Variants in EYA2 observed in about 807,000 individuals in gnomAD.
EYA2 encodes the protein protein phosphatase EYA2.
A neutral mutation model predicts 69.2 loss-of-function variants in EYA2; 31 were observed. The observed-to-expected ratio is 0.45, with a 90% CI of 0.34 to 0.60. EYA2 has a LOEUF of 0.60. EYA2 is among the 20% of genes least tolerant of loss of function. EYA2 has a pLI of 0.02. For synonymous variants in EYA2, 257 were observed against 279.4 expected (o/e 0.92, Z 0.80); for missense variants, 622 against 701.2 (o/e 0.89, Z 1.28).
chr20:47,044,313 C>T (rs1281566744), intron 5 of EYA2, among the ~76,000 whole-genome samples: 2 of 104,524 alleles, frequency 1.9e-5, no homozygotes, highest in Non-Finnish European at 4.0e-5. Flanking sequence ...TAGACTTACT[C>T]ATTCATTCAG....
chr20:47,039,731 G>T (rs1425723500), intron 5 of EYA2, among the ~76,000 whole-genome samples: 6 of 151,188 alleles, frequency 4.0e-5, no homozygotes, highest in Non-Finnish European at 5.9e-5. Flanking sequence ...GCCTGCCTGG[G>T]TTCAAATCCT....
At chr20:47,134,734 G>C (rs1236075505) in intron 9 of EYA2, among the ~76,000 whole-genome samples, 1 of 152,166 alleles carries the variant, frequency 6.6e-6, no homozygotes, top group Non-Finnish European at 1.5e-5. Flanking sequence ...AGGTCCTGTG[G>C]TGACTACTCA....
rs549212050 is a variant in EYA2 at position 47,019,085 on chromosome 20, G to A, written c.415+2788G>A. 2.0e-5 allele frequency among the ~76,000 whole-genome samples: 3 copies of A among 152,320 alleles called. No individual in the cohort carries two copies. The East Asian group carries it at 5.8e-4, about 29-fold the overall frequency. ...ACACGGCCATGGCAGTGGGAAATGA[G>A]CCAGGCAGTCGCCCAGGCACATAAC... On this transcript the variant is annotated intron_variant, in intron 5 of 15. Coordinates refer to ENST00000327619, the MANE Select transcript of EYA2 (RefSeq NM_005244.5).
intron 5 of EYA2, among the ~76,000 whole-genome samples, chr20:47,052,303 G>A (rs560184753): frequency 2.0e-5 from 3 of 152,214 alleles, no homozygotes; most frequent in African/African-American, 4.8e-5. Flanking sequence ...GGAGTGGTCA[G>A]GGGAGGTCAC....
chr20:47,018,916 G>A (rs925524951), intron 5 of EYA2, among the ~76,000 whole-genome samples: 2 of 152,238 alleles, frequency 1.3e-5, no homozygotes, highest in Admixed American at 1.3e-4. Context: ...GACTCCTTCA[G>A]GACTCCAGGA....
chr20:46,982,618 G>A (rs1980907927), intron 1 of EYA2, among the ~76,000 whole-genome samples: 2 of 151,960 alleles, frequency 1.3e-5, no homozygotes, highest in African/African-American at 4.8e-5. Flanking sequence ...TTTCTTTTAT[G>A]CTCTTTTAAA....
At chr20:47,147,894 A>C (rs139296291) in intron 10 of EYA2, among the ~76,000 whole-genome samples, 1,945 of 152,106 alleles carry the variant, frequency 0.013, 37 homozygotes, top group African/African-American at 0.045. Context: ...CCCCGTCTTT[A>C]CTAAAAATAC....
chr20:47,108,400 G>A (rs1214272114), intron 9 of EYA2, among the ~76,000 whole-genome samples: 1 of 152,130 alleles, frequency 6.6e-6, no homozygotes, highest in African/African-American at 2.4e-5. Flanking sequence ...AGTGGAAGCA[G>A]CCTGAGGCCT....
intron 5 of EYA2, among the ~76,000 whole-genome samples, chr20:47,048,138 C>T (rs74317342): frequency 0.037 from 5,563 of 152,258 alleles, 352 homozygotes; most frequent in African/African-American, 0.13. Context: ...GACATGAACA[C>T]GTTTGAAGAA....
intron 1 of EYA2, among the ~76,000 whole-genome samples, chr20:46,935,207 C>T (rs904939599): frequency 2.6e-5 from 4 of 152,206 alleles, no homozygotes; most frequent in Non-Finnish European, 5.9e-5. Context: ...TCTCCAGGCT[C>T]TTGTGTGATG....
At chr20:47,169,731 A>G (rs1463328938) in intron 11 of EYA2, among the ~76,000 whole-genome samples, 1 of 152,034 alleles carries the variant, frequency 6.6e-6, no homozygotes, top group Non-Finnish European at 1.5e-5. Context: ...TGTTGAAAAT[A>G]CCCTTTCTTT....
At chr20:47,166,781 A>G (rs749145098) in intron 10 of EYA2, among the ~76,000 whole-genome samples, 9 of 152,046 alleles carry the variant, frequency 5.9e-5, no homozygotes, top group Non-Finnish European at 1.2e-4. Context: ...TTCAGTTATC[A>G]GGTCCATTTA....
At chr20:47,008,415 C>T (rs781725969) in intron 4 of EYA2, among the ~76,000 whole-genome samples, 18 of 152,308 alleles carry the variant, frequency 1.2e-4, no homozygotes, top group African/African-American at 3.1e-4. Flanking sequence ...CTGTAAATCC[C>T]GGGGGATTAC....
intron 9 of EYA2, among the ~76,000 whole-genome samples, chr20:47,136,812 T>C (rs986829419): frequency 6.6e-6 from 1 of 151,384 alleles, no homozygotes; most frequent in Non-Finnish European, 1.5e-5. Context: ...TCCAGGTCCA[T>C]AGCCTCTCTC....
chr20:46,919,860 A>G (rs972632858), intron 1 of EYA2, among the ~76,000 whole-genome samples: 4 of 152,240 alleles, frequency 2.6e-5, no homozygotes, highest in African/African-American at 4.8e-5. Context: ...AGTGAAAGCC[A>G]TGCGACTCTT....
chr20:46,945,143 AT>A (rs1978377794), intron 1 of EYA2, among the ~76,000 whole-genome samples: 1 of 152,140 alleles, frequency 6.6e-6, no homozygotes, highest in Admixed American at 6.5e-5. Flanking sequence ...GCAGTTCGCA[AT>A]AGGAAGGTCC....
chr20:47,185,065 G>A (rs1018159006), intron 15 of EYA2, among the ~76,000 whole-genome samples: 14 of 152,094 alleles, frequency 9.2e-5, no homozygotes, highest in South Asian at 2.1e-4. Context: ...AAATCTGAGC[G>A]GTGTAAAATA....
At chr20:47,062,183 C>T (rs548579837) in intron 5 of EYA2, among the ~76,000 whole-genome samples, 46 of 152,306 alleles carry the variant, frequency 3.0e-4, no homozygotes, top group South Asian at 1.7e-3. Context: ...TTGTCCACCT[C>T]GGACCACCAC....
chr20:46,967,387 T>C (rs773288401), intron 1 of EYA2, among the ~76,000 whole-genome samples: 2 of 152,234 alleles, frequency 1.3e-5, no homozygotes, highest in Non-Finnish European at 2.9e-5. Context: ...ATAAGCATTA[T>C]ACAATTAAAT....
Sources: gnomAD v4.1 joint callset for allele counts (sites outside exome capture counted in the v4.1 genomes callset) on GRCh38, gnomAD v4.1.1 for gene constraint, MANE v1.5 for transcripts, NCBI Gene and HGNC (gene_info 2026-07-23, HGNC 2026-07-21) for gene names.